MGA: variants seen among roughly 807,000 people sequenced by gnomAD.
MGA encodes MAX gene-associated protein.
A neutral mutation model predicts 261.1 loss-of-function variants in MGA; 40 were observed. The observed-to-expected ratio is 0.15, with a 90% CI of 0.12 to 0.20. MGA has a LOEUF of 0.20. Ranked by LOEUF, MGA falls within the 10% of genes least tolerant of loss-of-function variation. The pLI, the probability that MGA is intolerant of heterozygous loss-of-function variation, is 1.00. For missense variants in MGA, 3,397 were observed against 3,630.5 expected (o/e 0.94, Z 1.65); for synonymous variants, 1,302 against 1,290.6 (o/e 1.01, Z -0.19).
At chr15:41,626,243 G>A (rs910073106) in intron 1 of MGA, among the ~76,000 whole-genome samples, 2 of 151,514 alleles carry the variant, frequency 1.3e-5, no homozygotes, top group African/African-American at 4.8e-5. Context: ...TTTTTAAGCA[G>A]TAGGATTTTG....
chr15:41,700,124 A>G (rs935692754), intron 5 of MGA, among the ~76,000 whole-genome samples: 1 of 144,502 alleles, frequency 6.9e-6, no homozygotes, highest in African/African-American at 2.6e-5. Context: ...AGCTCACTGC[A>G]AGCTCTGCCT....
intron 2 of MGA, among the ~76,000 whole-genome samples, chr15:41,688,876 C>T (rs1167602204): frequency 1.3e-5 from 2 of 152,168 alleles, no homozygotes; most frequent in Non-Finnish European, 2.9e-5. Flanking sequence ...TTTGGTTTCT[C>T]ATGTCTCATC....
intron 1 of MGA, chr15:41,621,354 G>A (rs2056274677): frequency 6.6e-6 from 1 of 152,246 alleles, no homozygotes; most frequent in South Asian, 2.1e-4. Flanking sequence ...CTCTTTATGG[G>A]TTTAAATCCA....
At chr15:41,674,134 C>T (rs1418219305) in intron 2 of MGA, among the ~76,000 whole-genome samples, 2 of 149,948 alleles carry the variant, frequency 1.3e-5, no homozygotes, top group Non-Finnish European at 3.0e-5. Flanking sequence ...TCAGGTGACC[C>T]ACCTACCTCA....
At chr15:41,726,883 C>G (rs74336745) in intron 9 of MGA, among the ~76,000 whole-genome samples, 2,006 of 152,158 alleles carry the variant, frequency 0.013, 50 homozygotes, top group African/African-American at 0.046. Flanking sequence ...GGTTTGTCTT[C>G]CCCTACTGGA....
chr15:41,707,630 C>G, intron 5 of MGA, 98 bp from the exon 6 acceptor site: 1 of 1,131,132 alleles, frequency 8.8e-7, no homozygotes. Context: ...CTCGACCTTA[C>G]CCCCCCGCCA....
intron 1 of MGA, among the ~76,000 whole-genome samples, chr15:41,636,614 C>A (rs1300552751): frequency 6.6e-6 from 1 of 151,978 alleles, no homozygotes; most frequent in Admixed American, 6.6e-5. Context: ...AGGGTTTCAC[C>A]GTGTTAGCCA....
At position 41,749,591 on chromosome 15, in the gene MGA, A is replaced by G; in HGVS notation, c.5984A>G (p.Gln1995Arg). ...GAGCAAGAAACGAAGAAGGTTCTAC[A>G]GTCAGAAGGAGAGGCTGTAGACCCT... The change falls in exon 17 of 24, where the codon CAG (glutamine) becomes CGG (arginine). Residue 1995 changes from glutamine (Q) to arginine (R), a missense_variant. By Grantham distance (43) the Gln-to-Arg change is conservative. Transcript: ENST00000219905. 1 of 1,613,902 alleles carries G rather than the reference A, an allele frequency of 6.2e-7. No individual in the cohort carries two copies.
intron 1 of MGA, 65 bp from the exon 2 acceptor site, chr15:41,668,763 G>T (rs1721509469): frequency 1.8e-6 from 1 of 565,748 alleles, no homozygotes; most frequent in South Asian, 4.5e-5. Context: ...TTTTGTTCAA[G>T]AAATAAATAC....
At chr15:41,642,218 G>A (rs1036522035) in intron 1 of MGA, among the ~76,000 whole-genome samples, 5 of 151,706 alleles carry the variant, frequency 3.3e-5, no homozygotes, top group Non-Finnish European at 7.4e-5. Context: ...ATCATTTCAT[G>A]TGCTTTTATT....
At chr15:41,703,737 C>G (rs532772326) in intron 5 of MGA, among the ~76,000 whole-genome samples, 1 of 152,036 alleles carries the variant, frequency 6.6e-6, no homozygotes, top group Non-Finnish European at 1.5e-5. Flanking sequence ...GCGAGACTGT[C>G]TCAAAAAATA....
intron 11 of MGA, among the ~76,000 whole-genome samples, chr15:41,731,346 G>A (rs1281979959): frequency 6.6e-6 from 1 of 151,916 alleles, no homozygotes; most frequent in Non-Finnish European, 1.5e-5. Context: ...ATTTATCTAT[G>A]TATCTATGCA....
intron 9 of MGA, among the ~76,000 whole-genome samples, chr15:41,716,456 A>AAAAAAG (rs1413024738): frequency 6.6e-6 from 1 of 152,116 alleles, no homozygotes; most frequent in African/African-American, 2.4e-5. Context: ...TCCGTATCAA[A>AAAAAAG]AAAAAGAAAA....
chr15:41,628,366 C>CT (rs2056507837), intron 1 of MGA, among the ~76,000 whole-genome samples: 1 of 106,686 alleles, frequency 9.4e-6, no homozygotes, highest in African/African-American at 4.5e-5. Flanking sequence ...GACTCTGTAT[C>CT]CAAAAAAAAA....
chr15:41,707,552 C>T (rs2060184408), intron 5 of MGA, among the ~76,000 whole-genome samples, 176 bp from the exon 6 acceptor site: 1 of 152,104 alleles, frequency 6.6e-6, no homozygotes, highest in Non-Finnish European at 1.5e-5. Flanking sequence ...ATCATGGGGC[C>T]ACCTTAAATT....
chr15:41,752,237 G>A (rs1416644371), intron 17 of MGA: 1 of 152,102 alleles, frequency 6.6e-6, no homozygotes, highest in African/African-American at 2.4e-5. Flanking sequence ...CACCATCTTG[G>A]CCAGGCTGGT....
chr15:41,750,394 A>T lies in MGA; in HGVS notation c.6787A>T (p.Ser2263Cys). The change falls in exon 17 of 24, where the codon AGC (serine) becomes TGC (cysteine). Residue 2263 changes from serine to cysteine, a missense_variant. Physicochemically the swap from Ser to Cys is moderately radical, Grantham distance 112. This residue lies in a region of MGA where 1,410 missense variants were observed against 1,386.4 expected (regional missense o/e 1.02). Coordinates refer to ENST00000219905, the MANE Select transcript of MGA (RefSeq NM_001164273.2). Reference sequence around the variant, plus strand: ...CATTGTTCCTAGGAGAGCTGCAAAAAGCAGCAGAGGGAATGGACATTTTCA... The same window carrying T: ...CATTGTTCCTAGGAGAGCTGCAAAATGCAGCAGAGGGAATGGACATTTTCA... 2 of 1,613,992 alleles carry T rather than the reference A, an allele frequency of 1.2e-6. No homozygotes were observed. Among genetic ancestry groups the T allele is most frequent in the Non-Finnish European group, 1.7e-6 (2 of 1,179,884 alleles).
At chr15:41,643,218 T>TA (rs1491160953) in intron 1 of MGA, among the ~76,000 whole-genome samples, 30 of 141,652 alleles carry the variant, frequency 2.1e-4, no homozygotes, top group African/African-American at 7.5e-4. Flanking sequence ...TTTTTTTTTT[T>TA]AATTTATTTT....
rs761209718 is a variant in MGA, at chr15:41,696,291, A to G, written c.1281A>G (p.Leu427=). ...ATGATCCTATACTAGAGAAACAGCTAAAGAGGCACAATAAAGTTGACAACC... is the reference window on the plus strand; with the variant it reads ...ATGATCCTATACTAGAGAAACAGCTGAAGAGGCACAATAAAGTTGACAACC... The change falls in exon 3 of 24, where the codon CTA becomes CTG. Residue 427 remains leucine, a synonymous_variant. Transcript: ENST00000219905. The G allele has an allele frequency of 4.8e-5, 77 of 1,613,820 alleles. No homozygotes were observed. Among genetic ancestry groups the G allele is most frequent in the East Asian group, 2.2e-4 (10 of 44,896 alleles).
Sources: gnomAD v4.1 joint callset for allele counts (sites outside exome capture counted in the v4.1 genomes callset) on GRCh38, gnomAD v4.1.1 for gene constraint, gnomAD v4.1.1 regional missense constraint, MANE v1.5 for transcripts, NCBI Gene and HGNC (gene_info 2026-07-23, HGNC 2026-07-21) for gene names.